HOXD13: variants seen among roughly 807,000 people sequenced by gnomAD.
HOXD13 encodes the protein homeobox D13.
A neutral mutation model predicts 27.3 loss-of-function variants in HOXD13; 16 were observed. The observed-to-expected ratio is 0.59, with a 90% confidence interval of 0.40 to 0.89. The LOEUF (loss-of-function observed/expected upper bound fraction) is 0.89, where lower values mean the gene tolerates loss of function less well. Among genes scored for constraint, HOXD13 ranks in the 40% least tolerant of loss-of-function variants. The pLI, the probability that HOXD13 is intolerant of heterozygous loss-of-function variation, is 0.00. For synonymous variants in HOXD13, 241 were observed against 219.0 expected (o/e 1.10, Z -0.89); for missense variants, 481 against 482.6 (o/e 1.00, Z 0.03).
At position 176,093,446 on chromosome 2, in the gene HOXD13, C is replaced by G. The variant is rs922763007; in HGVS notation, c.556C>G (p.Arg186Gly). 1.9e-6 allele frequency: 3 copies of G among 1,613,780 alleles called. No homozygotes were observed. Among genetic ancestry groups the G allele is most frequent in the African/African-American group, 2.7e-5 (2 of 74,938 alleles). The change falls in exon 1 of 2, where the codon CGA becomes GGA. Residue 186 changes from arginine to glycine, a missense_variant. By Grantham distance (125) the Arg-to-Gly change is moderately radical (BLOSUM62 -2). Coordinates refer to ENST00000392539, the MANE Select transcript of HOXD13 (RefSeq NM_000523.4). ...SSVPANEVPA[R>G]AKEVSFYQGY... is the part of the protein sequence containing the mutation. ...CGTACCGGCCAACGAGGTGCCAGCG[C>G]GAGCCAAGGAGGTATCCTTCTACCA...
upstream of HOXD13, among the ~76,000 whole-genome samples, chr2:176,092,474 G>A (rs1225033978): frequency 6.6e-6 from 1 of 151,464 alleles, no homozygotes; most frequent in African/African-American, 2.4e-5. Context: ...CTGGGTCGGG[G>A]GGGAGGGCGG....
At position 176,092,883 on chromosome 2, in the gene HOXD13, G is replaced by C. The variant is rs1689342799; in HGVS notation, c.-8G>C. ...AGGGCCAGGGCCGGGGCCGGGCCAG[G>C]CCGGGCCATGAGCCGCGCCGGGAGC... is the stretch of plus-strand genomic sequence containing the variant. On this transcript the variant is annotated 5_prime_UTR_variant, in exon 1 of 2. Transcript: ENST00000392539. 1 of 1,253,884 alleles carries C rather than the reference G, an allele frequency of 8.0e-7. No homozygotes were observed. Among genetic ancestry groups the C allele is most frequent in the Non-Finnish European group, 1.0e-6 (1 of 1,003,890 alleles). The allele number at this position is 1,253,884 out of a possible 1,614,324, so 77.7% of individuals were successfully genotyped here. A position where few individuals can be genotyped will look rare whatever the true frequency, so the allele number is the denominator to read the frequency against.
At position 176,094,977 on chromosome 2, in the gene HOXD13, T is replaced by C. The variant is rs543104446; in HGVS notation, c.*247T>C. ...TTGCCTAGGGTTTTTAAAATATCTG[T>C]TTTTAATGTTTTGTTTCTCCCTCCA... On this transcript the variant is annotated 3_prime_UTR_variant, in exon 2 of 2. Transcript: ENST00000392539. 3.9e-4 allele frequency: 198 copies of C among 509,678 alleles called. 2 individuals carry two copies. In the East Asian group the frequency reaches 6.5e-3, roughly 17 times the overall value. The allele number at this position is 509,678 out of a possible 1,614,324, so 31.6% of individuals were successfully genotyped here. A position where few individuals can be genotyped will look rare whatever the true frequency, so the allele number is the denominator to read the frequency against.
At position 176,092,953 on chromosome 2, in the gene HOXD13, C is replaced by G; in HGVS notation, c.63C>G (p.Gly21=). ...GLRADGGGAG[G]APASSSSSSV... ...GGGCAGACGGCGGGGGCGCCGGTGG[C>G]GCCCCGGCCTCTTCCTCCTCCTCAT... Residue 21 remains glycine, a synonymous_variant, in exon 1 of 2, where the codon GGC becomes GGG. Transcript: ENST00000392539. The G allele has an allele frequency of 7.5e-7, 1 of 1,326,880 alleles. No individual in the cohort carries two copies. Among genetic ancestry groups the G allele is most frequent in the Non-Finnish European group, 9.6e-7 (1 of 1,042,160 alleles). 82.2% of individuals were successfully genotyped at this position (1,326,880 alleles called of 1,614,324 possible).
At position 176,095,200 on chromosome 2, in the gene HOXD13, T is replaced by C. The variant is rs928688665; in HGVS notation, c.*470T>C. The C allele has an allele frequency of 3.6e-5, 9 of 248,122 alleles. No homozygotes were observed. The highest frequency in any genetic ancestry group is 6.3e-5 in the Non-Finnish European group (8 of 126,950). 15.4% of individuals were successfully genotyped at this position (248,122 alleles called of 1,614,324 possible). On this transcript the variant is annotated 3_prime_UTR_variant, in exon 2 of 2. Coordinates refer to ENST00000392539, the MANE Select transcript of HOXD13 (RefSeq NM_000523.4). The stretch of plus-strand genomic sequence containing the variant: ...GTAATTAGGTAATTGAATCATTAGC[T>C]CTCAGCAGTTGCCCTGAGGCAAGTG...
upstream of HOXD13, among the ~76,000 whole-genome samples, chr2:176,089,145 T>A (rs1423810413): frequency 6.6e-6 from 1 of 152,254 alleles, no homozygotes; most frequent in Non-Finnish European, 1.5e-5. Flanking sequence ...TACTCAAATG[T>A]GGCTTCCACT....
chr2:176,091,668 C>A (rs1339363925), upstream of HOXD13, among the ~76,000 whole-genome samples: 6 of 152,196 alleles, frequency 3.9e-5, no homozygotes, highest in Non-Finnish European at 8.8e-5. Context: ...TTGGAACAAG[C>A]GCCCTCTTAA....
chr2:176,092,553 C>T (rs1301366886), upstream of HOXD13, among the ~76,000 whole-genome samples: 3 of 152,026 alleles, frequency 2.0e-5, no homozygotes, highest in East Asian at 5.8e-4. Flanking sequence ...CCAGCCAGGC[C>T]TGGGCCGGGA....
chr2:176,093,675 G>T lies in HOXD13; in HGVS notation c.781+4G>T. 3 of 1,572,074 alleles carry T rather than the reference G, an allele frequency of 1.9e-6. No homozygotes were observed. The highest frequency in any genetic ancestry group is 1.7e-6 in the Non-Finnish European group (2 of 1,153,420). ...TTTTGGAAATCTTCCTTTCCAGGTA[G>T]GGGCGATGGAGAAAAGGGACCGACA... On this transcript the variant is annotated splice_donor_region_variant and intron_variant, in intron 1 of 1. Transcript: ENST00000392539.
In HOXD13 at chr2:176,094,469, G is replaced by A; in HGVS notation, c.782-11G>A. 2.5e-6 allele frequency: 4 copies of A among 1,613,366 alleles called. No individual in the cohort carries two copies. Among genetic ancestry groups the A allele is most frequent in the Non-Finnish European group, 3.4e-6 (4 of 1,179,828 alleles). ...CCAGCCTAATTTTTCTTGTGCTTTT[G>A]TTTGTATCAGGGGATGTGGCTCTAA... On this transcript the variant is annotated splice_polypyrimidine_tract_variant and intron_variant, in intron 1 of 1. Coordinates refer to ENST00000392539, the MANE Select transcript of HOXD13 (RefSeq NM_000523.4).
rs1403533630 is a variant in HOXD13, at chr2:176,092,988, C to T, written c.98C>T (p.Ala33Val). 1.5e-6 allele frequency: 2 copies of T among 1,351,038 alleles called. No homozygotes were observed. The highest frequency in any genetic ancestry group is 9.5e-7 in the Non-Finnish European group (1 of 1,054,444). 83.7% of individuals were successfully genotyped at this position (1,351,038 alleles called of 1,614,324 possible). ...PASSSSSSVAAAAASGQCRGF... is the reference protein window; with the variant it reads ...PASSSSSSVAVAAASGQCRGF... ...TCTTCCTCCTCCTCATCGGTGGCGG[C>T]GGCGGCGGCGTCAGGCCAGTGCCGC... is the stretch of plus-strand genomic sequence containing the variant. Residue 33 changes from alanine (A) to valine (V), a missense_variant, in exon 1 of 2, where the codon GCG (alanine) becomes GTG (valine). Ala to Val is a moderately conservative substitution (Grantham distance 64). Transcript: ENST00000392539.
chr2:176,094,385 G>GCGCACA (rs1553517315), intron 1 of HOXD13, 95 bp from the exon 2 acceptor site: 9 of 1,202,124 alleles, frequency 7.5e-6, no homozygotes, highest in African/African-American at 3.2e-5. Flanking sequence ...CCCTGCAAAC[G>GCGCACA]CACACACACA....
At position 176,093,722 on chromosome 2, in the gene HOXD13, G is replaced by T. The variant is rs79645162; in HGVS notation, c.781+51G>T. 2,050 of 1,296,554 alleles carry T rather than the reference G, an allele frequency of 1.6e-3. 26 individuals are homozygous for T. In the African/African-American group the frequency reaches 0.027, roughly 17 times the overall value. 80.3% of individuals were successfully genotyped at this position (1,296,554 alleles called of 1,614,324 possible). A position where few individuals can be genotyped will look rare whatever the true frequency, so the allele number is the denominator to read the frequency against. ...GACACGAGGGAGGGGGAGAGAGAAG[G>T]AGAAAAGAAAGGACTAAGAGTATGC... On this transcript the variant is annotated intron_variant, in intron 1 of 1. Transcript: ENST00000392539.
Position 176,094,599 on chromosome 2 carries a change from ATTAACAAGG to A in HOXD13, c.902_910del (p.Ile301_Asp304delinsAsn). ...GAACGAGTATGCCATTAACAAATTCATTAACAAGGACAAGCGGCGGCGTATCTCGGCTGC... is the reference window on the plus strand; with the variant it reads ...GAACGAGTATGCCATTAACAAATTCAACAAGCGGCGGCGTATCTCGGCTGC... On this transcript the variant is annotated inframe_deletion, in exon 2 of 2. Transcript: ENST00000392539. 1.2e-6 allele frequency: 2 copies of A among 1,614,186 alleles called. No homozygotes were observed. Among genetic ancestry groups the A allele is most frequent in the Non-Finnish European group, 1.7e-6 (2 of 1,180,022 alleles).
At chr2:176,094,416 C>CAG in intron 1 of HOXD13, 64 bp from the exon 2 acceptor site, 1 of 1,573,406 alleles carries the variant, frequency 6.4e-7, no homozygotes, top group Non-Finnish European at 8.7e-7. Flanking sequence ...CACACACACA[C>CAG]AATCCTCAGC....
upstream of HOXD13, among the ~76,000 whole-genome samples, chr2:176,090,871 G>A (rs919452935): frequency 1.3e-5 from 2 of 152,198 alleles, no homozygotes; most frequent in African/African-American, 2.4e-5. Context: ...CCTCGCCACA[G>A]TTGGCCTTTT....
At position 176,094,769 on chromosome 2, in the gene HOXD13, C is replaced by T. The variant is rs543897513; in HGVS notation, c.*39C>T. The T allele has an allele frequency of 3.5e-5, 56 of 1,596,794 alleles. No homozygotes were observed. In the South Asian group the frequency reaches 5.0e-4, roughly 14 times the overall value. Reference sequence around the variant, plus strand: ...GGCCACAGACAGCTTAGAAGCCATTCGGTTGTCTCCAAAAGGCCTTTGGAA... The same window carrying T: ...GGCCACAGACAGCTTAGAAGCCATTTGGTTGTCTCCAAAAGGCCTTTGGAA... On this transcript the variant is annotated 3_prime_UTR_variant, in exon 2 of 2. Transcript: ENST00000392539.
Position 176,093,198 on chromosome 2 carries a change from C to G in HOXD13, c.308C>G (p.Pro103Arg). 1 of 1,609,588 alleles carries G rather than the reference C, an allele frequency of 6.2e-7. No homozygotes were observed. The highest frequency in any genetic ancestry group is 8.5e-7 in the Non-Finnish European group (1 of 1,179,606). The change falls in exon 1 of 2, where the codon CCA becomes CGA. Residue 103 changes from proline (P) to arginine (R), a missense_variant. By Grantham distance (103) the Pro-to-Arg change is moderately radical. Transcript: ENST00000392539. Reference sequence around the variant, plus strand: ...GTAGCGGCGCGCCCGGAGGCTCCCCCAGCCAAAGAGTGCCCAGCACCCACG... The same window carrying G: ...GTAGCGGCGCGCCCGGAGGCTCCCCGAGCCAAAGAGTGCCCAGCACCCACG... ...AVVAARPEAP[P>R]AKECPAPTPA...
chr2:176,090,319 G>A (rs146183964), upstream of HOXD13, among the ~76,000 whole-genome samples: 514 of 152,360 alleles, frequency 3.4e-3, 5 homozygotes, highest in African/African-American at 0.011. Context: ...CCATTAGGAT[G>A]GACAGAGAAA....
Sources: gnomAD v4.1 joint callset for allele counts (sites outside exome capture counted in the v4.1 genomes callset) on GRCh38, gnomAD v4.1.1 for gene constraint, MANE v1.5 for transcripts, NCBI Gene and HGNC (gene_info 2026-07-23, HGNC 2026-07-21) for gene names.